The following MACF1 variants were observed in gnomAD, a reference collection of about 807,000 sequenced individuals.
MACF1 encodes the protein microtubule actin crosslinking factor 1, also known as microtubule-actin cross-linking factor 1.
A neutral mutation model predicts 854.8 loss-of-function variants in MACF1; 193 were observed. That is an observed-to-expected ratio of 0.23 (90% CI 0.20 to 0.25). The LOEUF (loss-of-function observed/expected upper bound fraction) is 0.25. MACF1 is among the 10% of genes least tolerant of loss of function. The pLI, the probability that MACF1 is intolerant of heterozygous loss-of-function variation, is 1.00. For synonymous variants in MACF1, 3,185 were observed against 3,226.7 expected, an observed-to-expected ratio of 0.99 and a Z score of 0.44; for missense variants, 7,722 against 8,929.1, an observed-to-expected ratio of 0.86 and a Z score of 5.45.
intron 2 of MACF1, among the ~76,000 whole-genome samples, chr1:39,244,732 C>T (rs1644963815): frequency 6.6e-6 from 1 of 152,108 alleles, no homozygotes; most frequent in African/African-American, 2.4e-5. Flanking sequence ...GCGTGTGCCA[C>T]CATGCCCAGC....
At chr1:39,437,257 T>TTC (rs1553409902) in intron 70 of MACF1, among the ~76,000 whole-genome samples, 56 of 149,828 alleles carry the variant, frequency 3.7e-4, no homozygotes, top group African/African-American at 8.9e-4. Flanking sequence ...TTTTTTTTTT[T>TTC]TAATGGGCCA....
Position 39,334,857 on chromosome 1 carries a change from A to G in MACF1, c.8269A>G (p.Asn2757Asp). ...AAGACTGATCAGCCCTGAACTGGCA[A>G]ATATGATCCAAATAGATAGTTCAGA... ...EKRLISPELA[N>D]MIQIDSSEFS... Residue 2757 changes from asparagine to aspartate, a missense_variant, in exon 37 of 101, where the codon AAT (asparagine) becomes GAT (aspartate). Transcript: ENST00000564288. 1.9e-6 allele frequency: 3 copies of G among 1,614,198 alleles called. No homozygotes were observed. Among genetic ancestry groups the G allele is most frequent in the Middle Eastern group, 1.6e-4 (1 of 6,062 alleles).
intron 2 of MACF1, among the ~76,000 whole-genome samples, chr1:39,239,419 A>G (rs866385854): frequency 6.6e-6 from 1 of 152,246 alleles, no homozygotes; most frequent in African/African-American, 2.4e-5. Context: ...GGGATAAGCA[A>G]ATTAATTCCT....
chr1:39,420,467 T>C (rs1039571334), intron 58 of MACF1, among the ~76,000 whole-genome samples: 1 of 152,230 alleles, frequency 6.6e-6, no homozygotes, highest in African/African-American at 2.4e-5. Context: ...GTTGGAGAAA[T>C]AGTCATTTTA....
intron 2 of MACF1, among the ~76,000 whole-genome samples, chr1:39,234,158 GAAC>G (rs1338801539): frequency 6.6e-6 from 1 of 151,110 alleles, no homozygotes; most frequent in East Asian, 2.0e-4. Context: ...TCTTAGTACA[GAAC>G]AAAATGAAAA....
At chr1:39,305,412 G>A (rs994572407) in intron 23 of MACF1, among the ~76,000 whole-genome samples, 2 of 152,044 alleles carry the variant, frequency 1.3e-5, no homozygotes, top group African/African-American at 2.4e-5. Flanking sequence ...AGTGTTTTCA[G>A]CTGTTTTAGC....
At chr1:39,250,836 C>T (rs1645032842) in intron 3 of MACF1, among the ~76,000 whole-genome samples, 2 of 152,208 alleles carry the variant, frequency 1.3e-5, no homozygotes, top group South Asian at 4.1e-4. Flanking sequence ...ATGGAAATCA[C>T]CCACTTGTAG....
At chr1:39,097,848 A>G (rs956528242) in intron 2 of MACF1, among the ~76,000 whole-genome samples, 1 of 151,932 alleles carries the variant, frequency 6.6e-6, no homozygotes, top group African/African-American at 2.4e-5. Context: ...ATTGGCCACC[A>G]CTCTCAAGGG....
At chr1:39,408,624 C>G (rs899837017) in intron 58 of MACF1, among the ~76,000 whole-genome samples, 6 of 141,596 alleles carry the variant, frequency 4.2e-5, no homozygotes, top group East Asian at 2.4e-4. Flanking sequence ...GGAGCCGGGC[C>G]GGTTGGAGCG....
intron 49 of MACF1, among the ~76,000 whole-genome samples, chr1:39,365,682 C>CT (rs960056817): frequency 1.7e-3 from 246 of 144,550 alleles, no homozygotes; most frequent in African/African-American, 3.5e-3. Context: ...TCTTTTTTTT[C>CT]TTTTTTTTTT....
At chr1:39,110,667 A>G (rs1420646386) in intron 2 of MACF1, among the ~76,000 whole-genome samples, 1 of 152,218 alleles carries the variant, frequency 6.6e-6, no homozygotes, top group African/African-American at 2.4e-5. Context: ...GAGTCAAGTC[A>G]GTCTGCTGGG....
chr1:39,353,272 C>G (rs1047804276), intron 44 of MACF1, 41 bp downstream of exon 44: 1 of 1,484,384 alleles, frequency 6.7e-7, no homozygotes. Flanking sequence ...AGAGAAATCT[C>G]TCCTGCCCTG....
intron 95 of MACF1, 62 bp from the exon 96 acceptor site, chr1:39,468,553 G>T: frequency 7.5e-7 from 1 of 1,340,260 alleles, no homozygotes; most frequent in Non-Finnish European, 1.1e-6. Flanking sequence ...GTCTGCTTTG[G>T]GAGAAAAACA....
At chr1:39,097,409 A>G (rs1006772113) in intron 2 of MACF1, among the ~76,000 whole-genome samples, 7 of 152,160 alleles carry the variant, frequency 4.6e-5, no homozygotes, top group East Asian at 1.9e-4. Context: ...TCGAGTTGCA[A>G]TAGGATTCAG....
intron 3 of MACF1, among the ~76,000 whole-genome samples, 172 bp from the exon 4 acceptor site, chr1:39,251,674 A>G (rs942663236): frequency 6.6e-5 from 10 of 152,366 alleles, no homozygotes; most frequent in South Asian, 4.1e-4. Context: ...GAAGTGTTCA[A>G]TGTAACCATC....
chr1:39,332,156 T>G lies in MACF1; in HGVS notation c.5568T>G (p.Ser1856=), dbSNP rs761026950. The G allele has an allele frequency of 1.2e-6, 2 of 1,614,116 alleles. No individual in the cohort carries two copies. The highest frequency in any genetic ancestry group is 2.2e-5 in the South Asian group (2 of 91,072). The stretch of plus-strand genomic sequence containing the variant: ...TCATGGGGTTGCTGTGGCCTGAATC[T>G]GGAGAGATCCTCCCAATTACAGATG... ...WSFMGLLWPE[S]GEILPITDAL... Residue 1856 remains serine (S), a synonymous_variant, in exon 37 of 101, where the codon TCT becomes TCG. Coordinates refer to ENST00000564288, the MANE Select transcript of MACF1 (RefSeq NM_001394062.1).
chr1:39,122,991 G>A (rs1642756263), intron 2 of MACF1, among the ~76,000 whole-genome samples: 1 of 152,054 alleles, frequency 6.6e-6, no homozygotes, highest in Non-Finnish European at 1.5e-5. Context: ...AATAGCAAAA[G>A]TAGCAGAGAA....
intron 42 of MACF1, among the ~76,000 whole-genome samples, chr1:39,349,943 A>G (rs373518025): frequency 2.6e-5 from 4 of 152,192 alleles, no homozygotes; most frequent in East Asian, 3.8e-4. Context: ...TGATTTTTTC[A>G]TTCCTTCGAC....
At chr1:39,320,306 A>G (rs1420885416) in intron 31 of MACF1, among the ~76,000 whole-genome samples, 2 of 152,076 alleles carry the variant, frequency 1.3e-5, no homozygotes, top group African/African-American at 4.8e-5. Flanking sequence ...CCCACAGGCT[A>G]TTTTCCCACA....
Sources: allele counts gnomAD v4.1 joint callset (sites outside exome capture counted in the v4.1 genomes callset), GRCh38; gene constraint gnomAD v4.1.1; transcripts MANE v1.5; gene names NCBI Gene and HGNC (gene_info 2026-07-23, HGNC 2026-07-21).